Variants in VMA21 observed in about 807,000 individuals in gnomAD.
VMA21 encodes vacuolar ATPase assembly integral membrane protein VMA21.
For synonymous variants in VMA21, 47 were observed against 34.1 expected (o/e 1.38, Z -1.32); for missense variants, 61 against 80.6 (o/e 0.76, Z 0.93).
chrX:151,404,856 T>C lies in VMA21; in HGVS notation c.164-60T>C, dbSNP rs576505848. On this transcript the variant is annotated intron_variant, in intron 2 of 2. Transcript: ENST00000330374. ...ATAAAAATTAGGATGCTTTGTTTTT[T>C]TTTTTTGTACTTTGGTAAATTTTGC... 712 of 1,165,475 alleles carry C rather than the reference T, an allele frequency of 6.1e-4. 5 individuals carry two copies. In the South Asian group the frequency reaches 0.013, roughly 21 times the overall value.
At chrX:151,404,844 T>A in intron 2 of VMA21, 72 bp from the exon 3 acceptor site, 1 of 1,108,975 alleles carries the variant, frequency 9.0e-7, no homozygotes, top group Non-Finnish European at 1.2e-6. Flanking sequence ...AAAATTAGGA[T>A]GCTTTGTTTT....
chrX:151,397,010 C>G (rs1054483366), upstream of VMA21: 27 of 514,861 alleles, frequency 5.2e-5, 1 homozygote, highest in African/African-American at 5.1e-4. Flanking sequence ...GCCTGCTCCT[C>G]GAGCACAGGC....
At position 151,397,644 on chromosome X, in the gene VMA21, C is replaced by T. The variant is rs755318386; in HGVS notation, c.53+283C>T. Among the ~76,000 whole-genome samples, 3 of 112,920 alleles carry T rather than the reference C, an allele frequency of 2.7e-5. No homozygotes were observed. The East Asian group carries it at 8.4e-4, about 32-fold the overall frequency. On this transcript the variant is annotated intron_variant, in intron 1 of 2. Transcript: ENST00000330374. ...TCTCTCGCTGTGTCTATATTGCAGT[C>T]TCTTTCATTACCGCAGGGTCAGCCT...
chrX:151,398,132 G>C (rs950139139), intron 1 of VMA21, among the ~76,000 whole-genome samples: 5 of 108,760 alleles, frequency 4.6e-5, no homozygotes, highest in Admixed American at 3.9e-4. Context: ...CAAAGCCCAC[G>C]ATCTTTGGAG....
intron 2 of VMA21, among the ~76,000 whole-genome samples, chrX:151,404,076 A>T (rs928070320): frequency 5.1e-5 from 5 of 98,643 alleles, no homozygotes; most frequent in Middle Eastern, 5.3e-3. Flanking sequence ...TGATGTTGAA[A>T]TTTTTTTTTT....
chrX:151,404,334 C>G (rs1208118259), intron 2 of VMA21, among the ~76,000 whole-genome samples: 4 of 112,486 alleles, frequency 3.6e-5, no homozygotes, highest in African/African-American at 1.3e-4. Flanking sequence ...CTCGGCCTCC[C>G]AGAGTGCTGG....
rs2124129585 is a variant in VMA21, at chrX:151,407,906, T to C, written c.*2848T>C. 9.0e-6 allele frequency: 1 copy of C among 110,535 alleles called. No homozygotes were observed. Among genetic ancestry groups the C allele is most frequent in the Admixed American group, 9.6e-5 (1 of 10,446 alleles). The allele number at this position is 110,535 out of a possible 1,213,427, so 9.1% of individuals were successfully genotyped here. On this transcript the variant is annotated 3_prime_UTR_variant, in exon 3 of 3. Coordinates refer to ENST00000330374, the MANE Select transcript of VMA21 (RefSeq NM_001017980.4). ...TGTTTTCTTTTTTCTTTTTTTTTTT[T>C]TCGAGACGGAGTTTTGCCCTTCTTG...
intron 2 of VMA21, among the ~76,000 whole-genome samples, 200 bp from the exon 3 acceptor site, chrX:151,404,716 G>A (rs778965927): frequency 8.9e-6 from 1 of 111,955 alleles, no homozygotes; most frequent in Non-Finnish European, 1.9e-5. Flanking sequence ...CACTGCACCC[G>A]GCCAACATAA....
In VMA21 at chrX:151,404,946, A is replaced by G. The variant is rs146336700; in HGVS notation, c.194A>G (p.Tyr65Cys). ...CTTGGGATGTCCAATAGGGACAGCT[A>G]TTTTTACGCTGCTATTGTTGCAGTG... ...GALGMSNRDS[Y>C]FYAAIVAVVA... The change falls in exon 3 of 3, where the codon TAT becomes TGT. Residue 65 changes from tyrosine to cysteine, a missense_variant. By Grantham distance (194) the Tyr-to-Cys change is radical. Transcript: ENST00000330374. The G allele has an allele frequency of 4.6e-5, 55 of 1,206,557 alleles. No homozygotes were observed. Among genetic ancestry groups the G allele is most frequent in the Non-Finnish European group, 5.6e-5 (50 of 894,442 alleles).
Position 151,397,224 on chromosome X carries a change from C to A in VMA21, c.-85C>A, listed in dbSNP as rs2011199651. ...AACCGCTACTTCCGGTGCGAACCGC[C>A]TCGGCCGTTCCCTCGCGGAGCTTAC... is the stretch of plus-strand genomic sequence containing the variant. On this transcript the variant is annotated 5_prime_UTR_variant, in exon 1 of 3. Transcript: ENST00000330374. 1 of 1,068,072 alleles carries A rather than the reference C, an allele frequency of 9.4e-7. No homozygotes were observed. The highest frequency in any genetic ancestry group is 2.1e-5 in the South Asian group (1 of 48,103). 88.0% of individuals were successfully genotyped at this position (1,068,072 alleles called of 1,213,427 possible).
intron 2 of VMA21, 114 bp downstream of exon 2, chrX:151,403,854 T>C (rs1299885016): frequency 1.9e-6 from 1 of 530,531 alleles, no homozygotes; most frequent in East Asian, 3.5e-5. Context: ...GTTTAGCTTT[T>C]CAAAAAATCA....
chrX:151,404,620 C>T (rs1217500249), intron 2 of VMA21, among the ~76,000 whole-genome samples: 1 of 109,054 alleles, frequency 9.2e-6, no homozygotes, highest in Non-Finnish European at 1.9e-5. Context: ...CGGGGTTTCA[C>T]GGTGCTAGCC....
At position 151,406,325 on chromosome X, in the gene VMA21, A is replaced by AT. The variant is rs1201631858; in HGVS notation, c.*1274dup. 1 of 110,545 alleles carries AT rather than the reference A, an allele frequency of 9.0e-6. No homozygotes were observed. The highest frequency in any genetic ancestry group is 3.3e-5 in the African/African-American group (1 of 30,439). The allele number at this position is 110,545 out of a possible 1,213,427, so 9.1% of individuals were successfully genotyped here. The stretch of plus-strand genomic sequence containing the variant: ...CCAGCTTTTCCTGACAGCTATTTGC[A>AT]TTTTTTTCAGATGAGTGATTATTGG... On this transcript the variant is annotated 3_prime_UTR_variant, in exon 3 of 3. Coordinates refer to ENST00000330374, the MANE Select transcript of VMA21 (RefSeq NM_001017980.4).
At chrX:151,397,198 G>T, upstream of VMA21, 1 of 923,150 alleles carries the variant, frequency 1.1e-6, no homozygotes, top group South Asian at 2.6e-5. Flanking sequence ...CTTCCGGCGC[G>T]AACCGCTACT....
intron 2 of VMA21, 140 bp from the exon 3 acceptor site, chrX:151,404,776 C>A (rs2011270676): frequency 1.4e-6 from 1 of 690,848 alleles, no homozygotes; most frequent in South Asian, 2.6e-5. Context: ...ATACTTTATT[C>A]ATTACCACCC....
At chrX:151,397,158 G>A, upstream of VMA21, 1 of 515,079 alleles carries the variant, frequency 1.9e-6, no homozygotes, top group Non-Finnish European at 2.8e-6. Context: ...GCCGCCCGGC[G>A]CGAACGGGCA....
Position 151,397,294 on chromosome X carries a change from C to G in VMA21, c.-15C>G, listed in dbSNP as rs1312569013. 4 of 1,155,873 alleles carry G rather than the reference C, an allele frequency of 3.5e-6. No individual in the cohort carries two copies. Among genetic ancestry groups the G allele is most frequent in the Admixed American group, 2.6e-5 (1 of 38,584 alleles). On this transcript the variant is annotated 5_prime_UTR_variant, in exon 1 of 3. Coordinates refer to ENST00000330374, the MANE Select transcript of VMA21 (RefSeq NM_001017980.4). ...CAGCTCCGCCGCCGAGCGCCTGTGC[C>G]GGCACGGCTACACCATGGAGCGCCC...
rs138457145 is a variant in VMA21 at position 151,408,715 on chromosome X, T to C, written c.*3657T>C. ...AAAGGGTCACCTTAAAAATAAATTA[T>C]TTTCAGGGACTTTGGGAATCTAATG... On this transcript the variant is annotated 3_prime_UTR_variant, in exon 3 of 3. Transcript: ENST00000330374. The C allele has an allele frequency of 5.8e-3, 651 of 112,781 alleles. 4 individuals carry two copies. The highest frequency in any genetic ancestry group is 0.02 in the African/African-American group (609 of 31,062). The allele number at this position is 112,781 out of a possible 1,213,427, so 9.3% of individuals were successfully genotyped here.
intron 1 of VMA21, among the ~76,000 whole-genome samples, chrX:151,403,008 C>T (rs2011249810): frequency 9.0e-6 from 1 of 111,701 alleles, no homozygotes; most frequent in Non-Finnish European, 1.9e-5. Context: ...AGGGTTGCTG[C>T]GTGGGCTCAG....
Sources: gnomAD v4.1 joint callset for allele counts (sites outside exome capture counted in the v4.1 genomes callset) on GRCh38, gnomAD v4.1.1 for gene constraint, MANE v1.5 for transcripts, NCBI Gene and HGNC (gene_info 2026-07-23, HGNC 2026-07-21) for gene names.